Variants in RBPJ observed in about 807,000 individuals in gnomAD.
The protein encoded by RBPJ is recombination signal binding protein for immunoglobulin kappa J region, also known as recombining binding protein suppressor of hairless.
A neutral mutation model predicts 67.8 loss-of-function variants in RBPJ; 9 were observed. The observed-to-expected ratio is 0.13, with a 90% confidence interval of 0.08 to 0.23. The LOEUF (loss-of-function observed/expected upper bound fraction) is 0.23, where lower values mean the gene tolerates loss of function less well. RBPJ is among the 10% of genes least tolerant of loss of function. The pLI is 1.00. For missense variants in RBPJ, 305 were observed against 595.6 expected, an observed-to-expected ratio of 0.51 and a Z score of 5.08; for synonymous variants, 198 against 203.3, an observed-to-expected ratio of 0.97 and a Z score of 0.22.
At chr4:26,242,084 G>A (rs1023850990) in intron 1 of RBPJ, among the ~76,000 whole-genome samples, 3 of 151,930 alleles carry the variant, frequency 2.0e-5, no homozygotes, top group Non-Finnish European at 4.4e-5. Context: ...TTAGGACACA[G>A]CAGTGAACCA....
intron 3 of RBPJ, 91 bp downstream of exon 3, chr4:26,406,361 A>G (rs1293386898): frequency 2.5e-6 from 2 of 794,810 alleles, no homozygotes; most frequent in African/African-American, 3.4e-5. Flanking sequence ...GATGGCTTCT[A>G]TTACTGGGTT....
the RBPJ span, chr4:26,113,218 A>C: frequency 3.8e-5 from 11 of 290,432 alleles, no homozygotes; most frequent in Non-Finnish European, 5.5e-5. Context: ...GATAGTACAC[A>C]TGGGGGGAAG....
intron 1 of RBPJ, among the ~76,000 whole-genome samples, chr4:26,354,260 C>T (rs776004046): frequency 1.3e-5 from 2 of 152,186 alleles, no homozygotes; most frequent in African/African-American, 4.8e-5. Context: ...ATAATTTATA[C>T]AGCCACCGGG....
chr4:26,254,843 ATTTTTTTTTTTTTTTTTTTTT>A (rs71643604), intron 1 of RBPJ, among the ~76,000 whole-genome samples: 6 of 16,546 alleles, frequency 3.6e-4, no homozygotes, highest in East Asian at 7.6e-3. Context: ...ATGCCCAGCT[ATTTTTTTTTTTTTTTTTTTTT>A]TTTTTTTTTT....
chr4:26,175,524 G>A (rs1433491832), intron 1 of RBPJ, among the ~76,000 whole-genome samples: 3 of 152,182 alleles, frequency 2.0e-5, no homozygotes, highest in Non-Finnish European at 4.4e-5. Context: ...ACCCAGTTAC[G>A]TTTACCCCTT....
Position 26,175,252 on chromosome 4 carries a change from G to A in RBPJ, c.-167+11638G>A, listed in dbSNP as rs375527710. On this transcript the variant is annotated intron_variant, in intron 1 of 4. Transcript: ENST00000512351. ...TGAGCTCCCCGCCTGGAATTCGGAT[G>A]CTCAGAGGAGGGAAATTATACCCTG... 1.4e-4 allele frequency among the ~76,000 whole-genome samples: 21 copies of A among 152,300 alleles called. No homozygotes were observed. In the East Asian group the frequency reaches 1.9e-3, roughly 14 times the overall value.
upstream of RBPJ, among the ~76,000 whole-genome samples, chr4:26,159,203 C>A (rs1419348405): frequency 6.6e-6 from 1 of 152,126 alleles, no homozygotes; most frequent in African/African-American, 2.4e-5. Context: ...GTATAAGATC[C>A]AAGCAACTCT....
At chr4:26,350,729 A>G (rs948353166) in intron 1 of RBPJ, among the ~76,000 whole-genome samples, 2 of 152,232 alleles carry the variant, frequency 1.3e-5, no homozygotes, top group Non-Finnish European at 2.9e-5. Flanking sequence ...TAGATGTGGC[A>G]TGTGAAGTAA....
chr4:26,129,030 A>G, the RBPJ span, among the ~76,000 whole-genome samples: 7 of 152,348 alleles, frequency 4.6e-5, no homozygotes, highest in East Asian at 1.3e-3. Context: ...TGTCTTTATC[A>G]GCAGATGAAA....
intron 1 of RBPJ, among the ~76,000 whole-genome samples, chr4:26,336,445 T>C (rs1007082678): frequency 6.6e-6 from 1 of 152,082 alleles, no homozygotes; most frequent in Admixed American, 6.5e-5. Context: ...GATTAAGAGT[T>C]GGAGACCAGT....
intron 1 of RBPJ, among the ~76,000 whole-genome samples, chr4:26,182,449 C>G (rs1454791138): frequency 9.2e-5 from 14 of 151,984 alleles, no homozygotes; most frequent in Admixed American, 9.2e-4. Context: ...TATCCTTATT[C>G]TAAAAGCTTT....
At chr4:26,371,331 A>G (rs1285988460) in intron 1 of RBPJ, among the ~76,000 whole-genome samples, 1 of 152,234 alleles carries the variant, frequency 6.6e-6, no homozygotes, top group Non-Finnish European at 1.5e-5. Context: ...GTGAGCACCT[A>G]CTGCATACAG....
upstream of RBPJ, chr4:26,319,936 C>T (rs542981931): frequency 1.4e-5 from 22 of 1,533,132 alleles, no homozygotes; most frequent in Middle Eastern, 8.7e-4. Context: ...CTGTTCCATG[C>T]CCGGTGGGGC....
upstream of RBPJ, among the ~76,000 whole-genome samples, chr4:26,316,246 C>CAT (rs201168345): frequency 0.01 from 1,498 of 144,408 alleles, 14 homozygotes; most frequent in East Asian, 0.046. Flanking sequence ...CTTCCCGCAA[C>CAT]ATATATATAT....
At chr4:26,143,921 C>CT in the RBPJ span, among the ~76,000 whole-genome samples, 1 of 152,038 alleles carries the variant, frequency 6.6e-6, no homozygotes, top group Non-Finnish European at 1.5e-5. Context: ...AAGCAAGACT[C>CT]TATCTCAAAA....
intron 1 of RBPJ, among the ~76,000 whole-genome samples, chr4:26,215,900 C>T (rs538777834): frequency 6.6e-6 from 1 of 152,270 alleles, no homozygotes; most frequent in Non-Finnish European, 1.5e-5. Flanking sequence ...ACTGCATTGG[C>T]TTTCTAGGGC....
At chr4:26,150,180 C>T in the RBPJ span, among the ~76,000 whole-genome samples, 2 of 152,220 alleles carry the variant, frequency 1.3e-5, no homozygotes, top group African/African-American at 4.8e-5. Flanking sequence ...AATTGGATGT[C>T]CATGGTAAAT....
At chr4:26,387,700 A>T (rs1159041702) in intron 2 of RBPJ, among the ~76,000 whole-genome samples, 1 of 152,198 alleles carries the variant, frequency 6.6e-6, no homozygotes, top group Non-Finnish European at 1.5e-5. Flanking sequence ...CATATTGATC[A>T]GCATGCGTGT....
intron 1 of RBPJ, chr4:26,362,697 A>G: frequency 8.3e-7 from 1 of 1,208,274 alleles, no homozygotes; most frequent in Non-Finnish European, 1.2e-6. Flanking sequence ...TTCTGTATTT[A>G]GTTAATGCAT....
Sources: allele counts gnomAD v4.1 joint callset (sites outside exome capture counted in the v4.1 genomes callset), GRCh38; gene constraint gnomAD v4.1.1; transcripts MANE v1.5; gene names NCBI Gene and HGNC (gene_info 2026-07-23, HGNC 2026-07-21).